GALNT14: variants seen among roughly 807,000 people sequenced by gnomAD.
GALNT14 encodes the protein polypeptide N-acetylgalactosaminyltransferase 14.
GALNT14 carries 60 observed loss-of-function variants against 77.5 expected under a neutral mutation model. That is an observed-to-expected ratio of 0.77 (90% CI 0.63 to 0.96). GALNT14 has a LOEUF of 0.96. Ranked by LOEUF, GALNT14 falls within the 40% of genes least tolerant of loss-of-function variation. GALNT14 has a pLI of 0.00. For missense variants in GALNT14, 710 were observed against 731.0 expected, an observed-to-expected ratio of 0.97 and a Z score of 0.33; for synonymous variants, 280 against 281.7, an observed-to-expected ratio of 0.99 and a Z score of 0.06.
intron 13 of GALNT14, among the ~76,000 whole-genome samples, chr2:30,920,630 TACACACACACACAC>T (rs140659655): frequency 1.4e-5 from 2 of 145,104 alleles, no homozygotes; most frequent in African/African-American, 2.5e-5. Flanking sequence ...GAGTGTATGC[TACACACACACACAC>T]ACACACACAC....
chr2:31,109,744 T>G (rs1677744133), intron 1 of GALNT14, among the ~76,000 whole-genome samples: 1 of 152,196 alleles, frequency 6.6e-6, no homozygotes, highest in African/African-American at 2.4e-5. Flanking sequence ...TGTTTGTAAT[T>G]GGCTACTGCT....
intron 1 of GALNT14, among the ~76,000 whole-genome samples, chr2:31,127,398 T>C (rs932535747): frequency 1.3e-5 from 2 of 152,270 alleles, no homozygotes; most frequent in Non-Finnish European, 2.9e-5. Context: ...CTTCATGCGA[T>C]GTGAAAAATA....
At chr2:31,105,263 T>C (rs879884184) in intron 1 of GALNT14, among the ~76,000 whole-genome samples, 7 of 152,228 alleles carry the variant, frequency 4.6e-5, no homozygotes, top group East Asian at 1.9e-4. Context: ...TTGTTCTCAA[T>C]TGGTCAGTGG....
intron 6 of GALNT14, 77 bp from the exon 7 acceptor site, chr2:30,945,947 G>A (rs1311753048): frequency 2.0e-5 from 24 of 1,184,460 alleles, no homozygotes; most frequent in Non-Finnish European, 3.0e-5. Flanking sequence ...ATGGCCTCGT[G>A]AGGGTAGGGC....
At chr2:31,045,926 T>A (rs1049413359) in intron 1 of GALNT14, among the ~76,000 whole-genome samples, 8 of 152,214 alleles carry the variant, frequency 5.3e-5, no homozygotes, top group African/African-American at 1.9e-4. Flanking sequence ...TCTTATTCTA[T>A]ACTATCATCC....
chr2:31,009,278 T>C (rs73923373), intron 1 of GALNT14, among the ~76,000 whole-genome samples: 4,378 of 151,972 alleles, frequency 0.029, 202 homozygotes, highest in African/African-American at 0.1. Context: ...TTCATCTTCC[T>C]TGGCCCTTCA....
At chr2:31,093,855 C>A (rs1377612804) in intron 1 of GALNT14, among the ~76,000 whole-genome samples, 1 of 152,216 alleles carries the variant, frequency 6.6e-6, no homozygotes, top group African/African-American at 2.4e-5. Context: ...CAGGCTCTTC[C>A]AAGTCCTACA....
intron 10 of GALNT14, among the ~76,000 whole-genome samples, chr2:30,931,692 G>T (rs74939398): frequency 6.6e-6 from 1 of 152,088 alleles, no homozygotes; most frequent in Non-Finnish European, 1.5e-5. Context: ...GACCCAGCCC[G>T]AAGGTGGGGC....
chr2:31,070,311 A>G (rs572857825), intron 1 of GALNT14, among the ~76,000 whole-genome samples: 1 of 152,328 alleles, frequency 6.6e-6, no homozygotes, highest in African/African-American at 2.4e-5. Flanking sequence ...GGTGTTAGAA[A>G]GGGGACCACG....
chr2:31,130,774 G>GCGCGCGCC (rs1220969519), intron 1 of GALNT14, among the ~76,000 whole-genome samples: 43 of 142,650 alleles, frequency 3.0e-4, no homozygotes, highest in South Asian at 2.6e-3. Context: ...GTGTGTGTGT[G>GCGCGCGCC]TGTGTGTGTG....
At chr2:30,959,867 C>A (rs1169162174) in intron 3 of GALNT14, among the ~76,000 whole-genome samples, 1 of 152,144 alleles carries the variant, frequency 6.6e-6, no homozygotes, top group Non-Finnish European at 1.5e-5. Context: ...CATGGCTGGG[C>A]CACACCAGCT....
At chr2:31,042,380 T>A (rs1317546714) in intron 1 of GALNT14, among the ~76,000 whole-genome samples, 2 of 152,068 alleles carry the variant, frequency 1.3e-5, no homozygotes, top group Non-Finnish European at 2.9e-5. Context: ...GTGGGTGCTA[T>A]GAAAGAAATG....
chr2:31,084,345 G>C (rs1407164850), intron 1 of GALNT14, among the ~76,000 whole-genome samples: 1 of 152,156 alleles, frequency 6.6e-6, no homozygotes, highest in Non-Finnish European at 1.5e-5. Flanking sequence ...TGAAGACATG[G>C]GTCAGGACAG....
chr2:31,061,862 T>A (rs923343672), intron 1 of GALNT14, among the ~76,000 whole-genome samples: 3 of 152,212 alleles, frequency 2.0e-5, no homozygotes, highest in Admixed American at 6.5e-5. Flanking sequence ...TGCTGAGAAC[T>A]CATTACCACA....
At chr2:30,919,671 G>A (rs565883414) in intron 13 of GALNT14, among the ~76,000 whole-genome samples, 2 of 152,272 alleles carry the variant, frequency 1.3e-5, no homozygotes, top group East Asian at 3.9e-4. Flanking sequence ...TTGCTTCTTC[G>A]CCTTTGAGCG....
chr2:31,080,263 G>A (rs1441221579), intron 1 of GALNT14, among the ~76,000 whole-genome samples: 1 of 152,112 alleles, frequency 6.6e-6, no homozygotes, highest in African/African-American at 2.4e-5. Flanking sequence ...GGAGAATAAG[G>A]TTATCAGATA....
At position 30,992,777 on chromosome 2, in the gene GALNT14, C is replaced by T. The variant is rs1210526482; in HGVS notation, c.299+61G>A. 1.9e-6 allele frequency: 3 copies of T among 1,564,802 alleles called. No individual in the cohort carries two copies. The African/African-American group carries it at 4.0e-5, about 21-fold the overall frequency. ...GTGCTGCATACAGCAGGCCCCAGATCAAGCCTGCTGTTGATCTCTTTTGAC... is the reference window on the plus strand; with the variant it reads ...GTGCTGCATACAGCAGGCCCCAGATTAAGCCTGCTGTTGATCTCTTTTGAC... On this transcript the variant is annotated intron_variant, in intron 2 of 14. Coordinates refer to ENST00000349752, the MANE Select transcript of GALNT14 (RefSeq NM_024572.4).
intron 2 of GALNT14, among the ~76,000 whole-genome samples, chr2:30,971,755 C>T (rs1401305749): frequency 6.6e-6 from 1 of 151,910 alleles, no homozygotes; most frequent in Non-Finnish European, 1.5e-5. Flanking sequence ...CCCCACAACA[C>T]CCCCCACCCT....
chr2:31,074,829 T>C (rs1290885074), intron 1 of GALNT14, among the ~76,000 whole-genome samples: 1 of 152,092 alleles, frequency 6.6e-6, no homozygotes, highest in Non-Finnish European at 1.5e-5. Context: ...CTGACTCTCT[T>C]GACTCAGACT....
Sources: allele counts gnomAD v4.1 joint callset (sites outside exome capture counted in the v4.1 genomes callset), GRCh38; gene constraint gnomAD v4.1.1; transcripts MANE v1.5; gene names NCBI Gene and HGNC (gene_info 2026-07-23, HGNC 2026-07-21).